MCPH1: variants seen among roughly 807,000 people sequenced by gnomAD.
MCPH1 encodes the protein microcephalin 1.
A neutral mutation model predicts 84.5 loss-of-function variants in MCPH1; 104 were observed. The ratio of observed to expected loss-of-function variants is 1.23; its 90% CI spans 1.05 to 1.45. MCPH1 has a LOEUF of 1.45. MCPH1 is among the 40% of genes most tolerant of loss of function. The pLI, the probability that MCPH1 is intolerant of heterozygous loss-of-function variation, is 0.00. For missense variants in MCPH1, 1,498 were observed against 1,005.7 expected, an observed-to-expected ratio of 1.49 and a Z score of -6.62; for synonymous variants, 514 against 366.8, an observed-to-expected ratio of 1.40 and a Z score of -4.58.
At chr8:6,473,976 A>G in intron 9 of MCPH1, 3 of 1,116,950 alleles carry the variant, frequency 2.7e-6, no homozygotes, top group Non-Finnish European at 4.0e-6. Flanking sequence ...GCTTCTTCAT[A>G]AAGAACTTGG....
chr8:6,468,441 G>A (rs929325500), intron 9 of MCPH1, among the ~76,000 whole-genome samples: 3 of 152,186 alleles, frequency 2.0e-5, no homozygotes, highest in Non-Finnish European at 2.9e-5. Context: ...GAGAAAGGAT[G>A]ATGTGAAAAT....
intron 12 of MCPH1, among the ~76,000 whole-genome samples, chr8:6,610,186 T>C (rs1408800491): frequency 6.6e-6 from 1 of 152,232 alleles, no homozygotes; most frequent in African/African-American, 2.4e-5. Flanking sequence ...TCTGGTTCTC[T>C]TAAATAGATG....
At chr8:6,570,401 C>T (rs966245268) in intron 12 of MCPH1, among the ~76,000 whole-genome samples, 7 of 152,176 alleles carry the variant, frequency 4.6e-5, no homozygotes, top group Non-Finnish European at 1.0e-4. Context: ...TATCTGACTG[C>T]CAAAACGGAC....
intron 12 of MCPH1, among the ~76,000 whole-genome samples, chr8:6,570,873 AAACCAGCCT>A (rs1298254241): frequency 6.7e-6 from 1 of 150,284 alleles, no homozygotes; most frequent in Admixed American, 6.6e-5. Flanking sequence ...GTACTACCGC[AAACCAGCCT>A]AACATCTGCT....
At chr8:6,408,882 T>C (rs1200991051) in intron 1 of MCPH1, among the ~76,000 whole-genome samples, 1 of 119,168 alleles carries the variant, frequency 8.4e-6, no homozygotes, top group African/African-American at 3.1e-5. Context: ...ATTTTTGTTT[T>C]ACTTTTTTCT....
intron 13 of MCPH1, among the ~76,000 whole-genome samples, chr8:6,624,513 C>T (rs1019529615): frequency 2.0e-5 from 3 of 152,146 alleles, no homozygotes; most frequent in South Asian, 4.1e-4. Flanking sequence ...TGTAAGATCA[C>T]GTAGTTCTCA....
At chr8:6,634,254 G>T (rs1359748691) in intron 13 of MCPH1, among the ~76,000 whole-genome samples, 1 of 152,160 alleles carries the variant, frequency 6.6e-6, no homozygotes, top group African/African-American at 2.4e-5. Context: ...TCAACAGGCT[G>T]GTTGCAGAAA....
At chr8:6,414,739 T>G in intron 2 of MCPH1, 26 bp from the exon 3 acceptor site, 1 of 1,611,772 alleles carries the variant, frequency 6.2e-7, no homozygotes, top group Non-Finnish European at 8.5e-7. Context: ...GTAATGTACA[T>G]TTTGTTTTCT....
chr8:6,630,997 G>A (rs576266573), intron 13 of MCPH1, among the ~76,000 whole-genome samples: 1 of 152,298 alleles, frequency 6.6e-6, no homozygotes, highest in South Asian at 2.1e-4. Context: ...GGCAGAAGCT[G>A]TCTGCAGAGA....
intron 12 of MCPH1, among the ~76,000 whole-genome samples, chr8:6,582,558 TTTTG>T (rs777479047): frequency 5.9e-5 from 9 of 152,334 alleles, no homozygotes; most frequent in Non-Finnish European, 1.0e-4. Flanking sequence ...TAATGCTATT[TTTTG>T]TTTGTTTGTA....
chr8:6,465,931 CCATCCATCCATCCATG>C (rs958433510), intron 9 of MCPH1, among the ~76,000 whole-genome samples: 46 of 113,908 alleles, frequency 4.0e-4, no homozygotes, highest in Admixed American at 7.6e-4. Flanking sequence ...ATCGATCCAT[CCATCCATCCATCCATG>C]CATCCATCCA....
intron 3 of MCPH1, among the ~76,000 whole-genome samples, chr8:6,426,388 C>T (rs1328275087): frequency 6.6e-6 from 1 of 152,178 alleles, no homozygotes. Context: ...GATCTGGTTT[C>T]TGTCATTAAA....
intron 12 of MCPH1, among the ~76,000 whole-genome samples, chr8:6,609,633 T>A (rs1024794566): frequency 3.9e-5 from 6 of 152,212 alleles, no homozygotes; most frequent in Non-Finnish European, 8.8e-5. Context: ...ATGTGGCTTT[T>A]GGAAAAGCTA....
At chr8:6,592,626 T>C (rs1161869295) in intron 12 of MCPH1, among the ~76,000 whole-genome samples, 3 of 136,654 alleles carry the variant, frequency 2.2e-5, no homozygotes, top group African/African-American at 5.4e-5. Context: ...TTTTTTTGTT[T>C]TTTTTTTTTT....
rs578145451 is a variant in MCPH1, at chr8:6,465,924, G to C, written c.1935+10672G>C. On this transcript the variant is annotated intron_variant, in intron 9 of 13. Coordinates refer to ENST00000344683, the MANE Select transcript of MCPH1 (RefSeq NM_024596.5). ...TATTTCCTACTCAATTTTATCTATC[G>C]ATCCATCCATCCATCCATCCATGCA... Among the ~76,000 whole-genome samples the C allele has an allele frequency of 8.8e-3, 1,312 of 148,344 alleles. 28 individuals carry two copies. Among genetic ancestry groups the C allele is most frequent in the African/African-American group, 0.03 (1,181 of 39,764 alleles).
rs2129554940 is a variant in MCPH1, at chr8:6,439,044, GGAGAA to G, written c.533_537del (p.Lys178IlefsTer24). ...TTAATAGTAGGCACCACAGCGCAAT[GGAGAA>G]GAGATTACAAGAGATGAAGGAGAAA... On this transcript the variant is annotated frameshift_variant, in exon 6 of 14. Transcript: ENST00000344683. LOFTEE classifies it high-confidence loss of function. 6.2e-7 allele frequency: 1 copy of G among 1,613,366 alleles called. No individual in the cohort carries two copies. The highest frequency in any genetic ancestry group is 8.5e-7 in the Non-Finnish European group (1 of 1,179,672).
chr8:6,553,207 G>C (rs1563115646), intron 12 of MCPH1, among the ~76,000 whole-genome samples: 1 of 152,154 alleles, frequency 6.6e-6, no homozygotes, highest in Non-Finnish European at 1.5e-5. Flanking sequence ...ACGGAGGGGG[G>C]ATATGGGAAC....
chr8:6,467,726 A>G (rs1807157900), intron 9 of MCPH1, among the ~76,000 whole-genome samples: 1 of 152,158 alleles, frequency 6.6e-6, no homozygotes, highest in African/African-American at 2.4e-5. Context: ...CCTCATGAGT[A>G]GCTGAGACTC....
At chr8:6,412,281 A>G (rs1304113455) in intron 2 of MCPH1, among the ~76,000 whole-genome samples, 1 of 152,216 alleles carries the variant, frequency 6.6e-6, no homozygotes, top group Non-Finnish European at 1.5e-5. Flanking sequence ...ACTTGGGATG[A>G]GGAGGAACTA....
Sources: gnomAD v4.1 joint callset for allele counts (sites outside exome capture counted in the v4.1 genomes callset) on GRCh38, gnomAD v4.1.1 for gene constraint, MANE v1.5 for transcripts, NCBI Gene and HGNC (gene_info 2026-07-23, HGNC 2026-07-21) for gene names.